The following MAN1A2 variants were observed in gnomAD, a reference collection of about 807,000 sequenced individuals.
MAN1A2 encodes the protein mannosyl-oligosaccharide 1,2-alpha-mannosidase IB.
A neutral mutation model predicts 75.7 loss-of-function variants in MAN1A2; 26 were observed. The ratio of observed to expected loss-of-function variants is 0.34; its 90% CI spans 0.25 to 0.48. The LOEUF is 0.48. Ranked by LOEUF, MAN1A2 falls within the 20% of genes least tolerant of loss-of-function variation. MAN1A2 has a pLI of 0.99. For synonymous variants in MAN1A2, 247 were observed against 264.6 expected (o/e 0.93, Z 0.65); for missense variants, 562 against 775.5 (o/e 0.72, Z 3.27).
At chr1:117,506,279 A>C (rs1186105416) in intron 12 of MAN1A2, among the ~76,000 whole-genome samples, 2 of 151,548 alleles carry the variant, frequency 1.3e-5, no homozygotes, top group Non-Finnish European at 3.0e-5. Flanking sequence ...TAGCTACCAG[A>C]GATGGAAACT....
intron 1 of MAN1A2, among the ~76,000 whole-genome samples, chr1:117,373,792 C>T (rs1346209641): frequency 6.6e-6 from 1 of 152,118 alleles, no homozygotes; most frequent in African/African-American, 2.4e-5. Flanking sequence ...CTGCACCCAA[C>T]CGAATCTTAT....
At chr1:117,460,699 G>A (rs1649790800) in intron 7 of MAN1A2, 87 bp downstream of exon 7, 2 of 1,430,758 alleles carry the variant, frequency 1.4e-6, no homozygotes, top group South Asian at 1.8e-5. Context: ...TAAAAGGTTT[G>A]CCTTTCTAGA....
At chr1:117,386,546 G>A (rs888066700) in intron 1 of MAN1A2, among the ~76,000 whole-genome samples, 5 of 152,086 alleles carry the variant, frequency 3.3e-5, no homozygotes, top group Admixed American at 2.6e-4. Flanking sequence ...GGCTATCTTG[G>A]TGAAGGACTA....
intron 6 of MAN1A2, among the ~76,000 whole-genome samples, chr1:117,450,448 GA>G (rs1239116455): frequency 6.6e-6 from 1 of 152,198 alleles, no homozygotes; most frequent in Admixed American, 6.5e-5. Context: ...TGACAGAAAA[GA>G]AAAGCCCGTT....
intron 2 of MAN1A2, among the ~76,000 whole-genome samples, chr1:117,404,634 A>T (rs1557936580): frequency 6.6e-6 from 1 of 152,348 alleles, no homozygotes; most frequent in East Asian, 1.9e-4. Flanking sequence ...CATGGTGTCA[A>T]TAACAATATG....
intron 1 of MAN1A2, among the ~76,000 whole-genome samples, chr1:117,393,646 G>A (rs745973571): frequency 4.6e-5 from 7 of 152,000 alleles, no homozygotes; most frequent in Non-Finnish European, 1.0e-4. Flanking sequence ...TTACATTGTT[G>A]ATTCATTTAG....
chr1:117,519,590 A>C (rs1250017559), intron 12 of MAN1A2, among the ~76,000 whole-genome samples: 2 of 152,188 alleles, frequency 1.3e-5, no homozygotes, highest in East Asian at 3.9e-4. Flanking sequence ...GAGATGGATA[A>C]ATTCATGGAA....
At chr1:117,496,454 C>A (rs1651038885) in intron 9 of MAN1A2, among the ~76,000 whole-genome samples, 1 of 151,928 alleles carries the variant, frequency 6.6e-6, no homozygotes, top group Non-Finnish European at 1.5e-5. Context: ...CATGACAAAG[C>A]ATCCAAAACA....
chr1:117,433,379 G>T (rs1181334944), intron 5 of MAN1A2, among the ~76,000 whole-genome samples: 1 of 151,994 alleles, frequency 6.6e-6, no homozygotes, highest in Non-Finnish European at 1.5e-5. Flanking sequence ...TGTACTAAAA[G>T]GTAATTATTA....
chr1:117,497,733 G>T (rs1003472646), intron 10 of MAN1A2, among the ~76,000 whole-genome samples: 1 of 151,756 alleles, frequency 6.6e-6, no homozygotes, highest in African/African-American at 2.4e-5. Flanking sequence ...TTTCTTAGGG[G>T]TGCAGTAATG....
At chr1:117,401,110 T>C (rs1018539903) in intron 1 of MAN1A2, among the ~76,000 whole-genome samples, 3 of 152,062 alleles carry the variant, frequency 2.0e-5, no homozygotes, top group African/African-American at 7.2e-5. Context: ...AGTGGAATCA[T>C]ACAGTATTTG....
rs546839066 is a variant in MAN1A2 at position 117,405,948 on chromosome 1, T to C, written c.655+303T>C. On this transcript the variant is annotated intron_variant, in intron 3 of 12. Transcript: ENST00000356554. ...AAAAGTAGGCACCTACTTGTCATTT[T>C]TTTCTTCAACACAATACCTATTCTG... 5.3e-5 allele frequency among the ~76,000 whole-genome samples: 8 copies of C among 152,276 alleles called. No individual in the cohort carries two copies. The South Asian group carries it at 1.7e-3, about 32-fold the overall frequency.
chr1:117,491,349 G>A (rs1161949254), intron 8 of MAN1A2, among the ~76,000 whole-genome samples: 1 of 152,026 alleles, frequency 6.6e-6, no homozygotes, highest in African/African-American at 2.4e-5. Context: ...TAAGAATTTT[G>A]TTACATCTAC....
chr1:117,416,568 C>T (rs1267263350), intron 4 of MAN1A2, among the ~76,000 whole-genome samples: 1 of 152,092 alleles, frequency 6.6e-6, no homozygotes, highest in Non-Finnish European at 1.5e-5. Context: ...CAATCAGGAA[C>T]CAGACTATGC....
At chr1:117,394,940 G>A (rs1181310456) in intron 1 of MAN1A2, among the ~76,000 whole-genome samples, 1 of 152,134 alleles carries the variant, frequency 6.6e-6, no homozygotes, top group African/African-American at 2.4e-5. Flanking sequence ...AGTAGAGAAG[G>A]AAAGAGTGAA....
intron 12 of MAN1A2, chr1:117,515,274 G>T (rs913342295): frequency 1.3e-5 from 2 of 155,976 alleles, no homozygotes; most frequent in Non-Finnish European, 2.8e-5. Flanking sequence ...TTTAAAGTAT[G>T]TGGGAGCATA....
intron 1 of MAN1A2, among the ~76,000 whole-genome samples, chr1:117,392,998 G>A (rs955942548): frequency 1.1e-4 from 16 of 152,192 alleles, no homozygotes; most frequent in African/African-American, 3.9e-4. Flanking sequence ...CTTCATTAAC[G>A]TGTTATTTTA....
intron 3 of MAN1A2, among the ~76,000 whole-genome samples, chr1:117,408,302 TAAAA>T (rs1245208449): frequency 8.4e-6 from 1 of 119,682 alleles, no homozygotes; most frequent in Admixed American, 8.7e-5. Flanking sequence ...CCCTTTCTCT[TAAAA>T]AAAAAAAAAA....
intron 11 of MAN1A2, among the ~76,000 whole-genome samples, chr1:117,500,959 A>T (rs1651181547): frequency 1.3e-5 from 2 of 151,824 alleles, no homozygotes; most frequent in South Asian, 2.1e-4. Flanking sequence ...ATGTCCCCTG[A>T]TATTTAATGC....
Sources: gnomAD v4.1 joint callset for allele counts (sites outside exome capture counted in the v4.1 genomes callset) on GRCh38, gnomAD v4.1.1 for gene constraint, MANE v1.5 for transcripts, NCBI Gene and HGNC (gene_info 2026-07-23, HGNC 2026-07-21) for gene names.